Variants in ANO4 observed in about 807,000 individuals in gnomAD.
The protein encoded by ANO4 is anoctamin-4.
A neutral mutation model predicts 141.9 loss-of-function variants in ANO4; 69 were observed. That is an observed-to-expected ratio of 0.49 (90% CI 0.40 to 0.59). The LOEUF (loss-of-function observed/expected upper bound fraction) is 0.59, where lower values mean the gene tolerates loss of function less well. ANO4 is among the 20% of genes least tolerant of loss of function. ANO4 has a pLI of 0.00. For missense variants in ANO4, 894 were observed against 1,162.2 expected (o/e 0.77, Z 3.36); for synonymous variants, 350 against 394.3 (o/e 0.89, Z 1.33).
chr12:100,808,839 T>G (rs2035221420), intron 1 of ANO4, among the ~76,000 whole-genome samples: 1 of 152,214 alleles, frequency 6.6e-6, no homozygotes, highest in Non-Finnish European at 1.5e-5. Flanking sequence ...TAAAAACGTA[T>G]TTGTTTTAAA....
intron 8 of ANO4, among the ~76,000 whole-genome samples, chr12:100,990,012 G>GATGA (rs1012300642): frequency 6.6e-6 from 1 of 152,016 alleles, no homozygotes; most frequent in Admixed American, 6.6e-5. Flanking sequence ...TGGATGGATG[G>GATGA]ATGGATGGAT....
chr12:100,993,013 G>A (rs9805069), intron 8 of ANO4, among the ~76,000 whole-genome samples: 24,552 of 152,018 alleles, frequency 0.16, 2,159 homozygotes, highest in Admixed American at 0.21. Context: ...GCAACAGAGT[G>A]ACACCCATCT....
At chr12:101,071,004 A>G (rs1414625688) in intron 14 of ANO4, among the ~76,000 whole-genome samples, 1 of 152,176 alleles carries the variant, frequency 6.6e-6, no homozygotes, top group Non-Finnish European at 1.5e-5. Flanking sequence ...TTTTTATCCA[A>G]AAGTCTGGCA....
intron 1 of ANO4, chr12:100,885,317 CT>C (rs1427744973): frequency 6.6e-6 from 1 of 152,284 alleles, no homozygotes; most frequent in Non-Finnish European, 1.5e-5. Context: ...ATTGGATTCA[CT>C]GTCGGCGCTT....
intron 1 of ANO4, among the ~76,000 whole-genome samples, chr12:100,884,801 T>C (rs1443748951): frequency 6.6e-6 from 1 of 152,166 alleles, no homozygotes; most frequent in Non-Finnish European, 1.5e-5. Context: ...TTCAAGCGAT[T>C]CTCCCGCCTC....
At chr12:100,806,631 G>A (rs1463951674) in intron 1 of ANO4, among the ~76,000 whole-genome samples, 4 of 128,760 alleles carry the variant, frequency 3.1e-5, no homozygotes, top group East Asian at 5.3e-4. Flanking sequence ...TGCAACCTCC[G>A]CCTCCTGGGT....
intron 22 of ANO4, among the ~76,000 whole-genome samples, chr12:101,104,671 AAAT>A (rs1566255143): frequency 8.0e-4 from 47 of 59,086 alleles, no homozygotes; most frequent in South Asian, 1.5e-3. Flanking sequence ...ATATATATAT[AAAT>A]AAAAAGATTT....
chr12:100,796,194 A>C (rs1270136797), intron 1 of ANO4, among the ~76,000 whole-genome samples: 1 of 152,114 alleles, frequency 6.6e-6, no homozygotes, highest in African/African-American at 2.4e-5. Flanking sequence ...ATTCTGGTCC[A>C]TTTCACTCTA....
At chr12:100,985,297 G>T (rs2044659862) in intron 7 of ANO4, among the ~76,000 whole-genome samples, 4 of 152,174 alleles carry the variant, frequency 2.6e-5, no homozygotes, top group African/African-American at 9.7e-5. Flanking sequence ...AAACAGAAAT[G>T]TTAAGCGGCA....
chr12:100,953,015 A>C (rs1055360110), intron 5 of ANO4, among the ~76,000 whole-genome samples: 6 of 152,222 alleles, frequency 3.9e-5, no homozygotes, highest in Admixed American at 3.9e-4. Flanking sequence ...GAAAAACTCA[A>C]GTCATTTTAT....
At chr12:100,958,132 G>A (rs1237225034) in intron 5 of ANO4, among the ~76,000 whole-genome samples, 9 of 152,058 alleles carry the variant, frequency 5.9e-5, no homozygotes, top group Non-Finnish European at 1.3e-4. Context: ...TTATTTGCCG[G>A]GCAAAGCCCC....
intron 3 of ANO4, among the ~76,000 whole-genome samples, chr12:100,755,179 T>G (rs2032554641): frequency 6.6e-6 from 1 of 152,186 alleles, no homozygotes; most frequent in South Asian, 2.1e-4. Context: ...CTGGCCTATC[T>G]TTTTAGCTCT....
chr12:100,850,323 G>T (rs1219959738), intron 1 of ANO4, among the ~76,000 whole-genome samples: 5 of 152,114 alleles, frequency 3.3e-5, no homozygotes, highest in Non-Finnish European at 7.4e-5. Flanking sequence ...GTTCTTCCTT[G>T]TACACCTACT....
intron 1 of ANO4, among the ~76,000 whole-genome samples, chr12:100,899,070 T>C (rs1174880245): frequency 1.3e-5 from 2 of 152,146 alleles, no homozygotes; most frequent in African/African-American, 4.8e-5. Context: ...GTCCTACTTA[T>C]AGAGAGAGAC....
intron 2 of ANO4, among the ~76,000 whole-genome samples, chr12:100,735,081 C>T (rs1015528000): frequency 6.6e-6 from 1 of 152,154 alleles, no homozygotes; most frequent in Non-Finnish European, 1.5e-5. Context: ...GCATTGCTGC[C>T]ACCTTTCTGA....
In ANO4 at chr12:101,048,400, G is replaced by A; in HGVS notation, c.1311G>A (p.Trp437Ter). ...TVFFAVFMAVWATVFLEFWKR... is the reference protein window; with the variant it reads ...TVFFAVFMAV ...TCTTTGCTGTTTTCATGGCAGTCTG[G>A]GGTAAGTGTTCTATAACCATAAAAC... is the stretch of plus-strand genomic sequence containing the variant. Residue 437 changes from tryptophan to a stop codon, truncating the protein, a stop_gained and splice_region_variant, in exon 14 of 28, where the codon TGG (tryptophan) becomes TGA (stop). Transcript: ENST00000392977. LOFTEE classifies it high-confidence loss of function. 1 of 1,613,372 alleles carries A rather than the reference G, an allele frequency of 6.2e-7. No individual in the cohort carries two copies. Among genetic ancestry groups the A allele is most frequent in the Non-Finnish European group, 8.5e-7 (1 of 1,179,500 alleles).
At chr12:100,929,735 G>A (rs1195197720) in intron 3 of ANO4, among the ~76,000 whole-genome samples, 1 of 152,118 alleles carries the variant, frequency 6.6e-6, no homozygotes, top group Admixed American at 6.6e-5. Flanking sequence ...CACCAGCAGT[G>A]TATGAGGGTT....
chr12:100,920,736 G>A (rs2041592436), intron 2 of ANO4, among the ~76,000 whole-genome samples: 1 of 152,090 alleles, frequency 6.6e-6, no homozygotes, highest in South Asian at 2.1e-4. Flanking sequence ...ATGCATACCT[G>A]GGGTCTCAAG....
chr12:100,856,737 A>C (rs979749445), intron 1 of ANO4, among the ~76,000 whole-genome samples: 1 of 152,156 alleles, frequency 6.6e-6, no homozygotes, highest in Non-Finnish European at 1.5e-5. Flanking sequence ...GGTAGGAATC[A>C]GCATGGTGGA....
Sources: gnomAD v4.1 joint callset for allele counts (sites outside exome capture counted in the v4.1 genomes callset) on GRCh38, gnomAD v4.1.1 for gene constraint, MANE v1.5 for transcripts, NCBI Gene and HGNC (gene_info 2026-07-23, HGNC 2026-07-21) for gene names.